The following CSMD1 variants were observed in gnomAD, a reference collection of about 807,000 sequenced individuals.
CSMD1 encodes CUB and sushi domain-containing protein 1.
Under a neutral mutation model 417.5 loss-of-function variants are expected in CSMD1, and 213 were observed. That is an observed-to-expected ratio of 0.51 (90% CI 0.46 to 0.57). The LOEUF (loss-of-function observed/expected upper bound fraction) is 0.57, where lower values mean the gene tolerates loss of function less well. Among genes scored for constraint, CSMD1 ranks in the 20% least tolerant of loss-of-function variants. The pLI is 0.00. For synonymous variants in CSMD1, 2,862 were observed against 1,736.8 expected (o/e 1.65, Z -16.11); for missense variants, 6,923 against 4,529.7 (o/e 1.53, Z -15.17).
At chr8:4,951,700 G>C (rs931584171) in intron 1 of CSMD1, among the ~76,000 whole-genome samples, 2 of 151,600 alleles carry the variant, frequency 1.3e-5, no homozygotes, top group South Asian at 4.1e-4. Flanking sequence ...CTTGGCTGTG[G>C]TTCTACCAGA....
intron 49 of CSMD1, among the ~76,000 whole-genome samples, chr8:3,073,258 C>T (rs982999639): frequency 6.6e-5 from 10 of 152,190 alleles, no homozygotes; most frequent in Admixed American, 2.6e-4. Flanking sequence ...ACAGAAAGAA[C>T]AGCATGTCCA....
chr8:3,684,896 T>C (rs1163370380), intron 7 of CSMD1, among the ~76,000 whole-genome samples: 1 of 152,160 alleles, frequency 6.6e-6, no homozygotes, highest in African/African-American at 2.4e-5. Flanking sequence ...TAAATTCTCT[T>C]CTGAAATTTG....
intron 3 of CSMD1, among the ~76,000 whole-genome samples, chr8:4,146,636 G>C (rs1714816): frequency 1.4e-5 from 1 of 73,982 alleles, no homozygotes; most frequent in Non-Finnish European, 2.6e-5. Context: ...TTTTGAGACA[G>C]AGTCTCGATC....
intron 3 of CSMD1, among the ~76,000 whole-genome samples, chr8:4,048,459 C>T (rs958792348): frequency 6.6e-6 from 1 of 152,152 alleles, no homozygotes; most frequent in Non-Finnish European, 1.5e-5. Flanking sequence ...CAAGATTCTG[C>T]AGTAGCTACT....
chr8:3,422,596 G>A (rs1308908723), intron 12 of CSMD1, among the ~76,000 whole-genome samples: 2 of 152,078 alleles, frequency 1.3e-5, no homozygotes, highest in Non-Finnish European at 2.9e-5. Context: ...GTTACAATAG[G>A]GCTAGACCAT....
chr8:3,922,823 A>G (rs935290675), intron 5 of CSMD1, among the ~76,000 whole-genome samples: 3 of 152,134 alleles, frequency 2.0e-5, no homozygotes, highest in African/African-American at 7.2e-5. Context: ...AAAATTCTAT[A>G]TATTCATGGT....
intron 3 of CSMD1, among the ~76,000 whole-genome samples, chr8:4,345,609 A>G (rs375028223): frequency 6.6e-6 from 1 of 152,244 alleles, no homozygotes; most frequent in South Asian, 2.1e-4. Flanking sequence ...CAGAAAACAA[A>G]AACAAAAAGT....
intron 4 of CSMD1, among the ~76,000 whole-genome samples, chr8:4,009,551 A>T (rs1028822444): frequency 2.0e-5 from 3 of 152,252 alleles, no homozygotes; most frequent in African/African-American, 7.2e-5. Context: ...TGTTAAATTT[A>T]AAAATGCAGG....
At chr8:4,373,109 C>T (rs945767487) in intron 3 of CSMD1, among the ~76,000 whole-genome samples, 11 of 152,262 alleles carry the variant, frequency 7.2e-5, no homozygotes, top group African/African-American at 2.4e-4. Flanking sequence ...CCCCAAACTC[C>T]AGTCTCATCA....
intron 3 of CSMD1, among the ~76,000 whole-genome samples, chr8:4,150,622 C>A (rs547989808): frequency 2.6e-5 from 4 of 152,188 alleles, no homozygotes; most frequent in Non-Finnish European, 4.4e-5. Context: ...CAAGCATTAA[C>A]TGCAATTCCA....
Position 4,809,911 on chromosome 8 carries a change from A to G in CSMD1, c.86-172353T>C, listed in dbSNP as rs368716587. ...GTGCCATTCAAATCCAAGTCCGGCCACTTACCAAGTATATTAACCTAAATC... is the reference window on the plus strand; with the variant it reads ...GTGCCATTCAAATCCAAGTCCGGCCGCTTACCAAGTATATTAACCTAAATC... On this transcript the variant is annotated intron_variant, in intron 1 of 69. Coordinates refer to ENST00000635120, the MANE Select transcript of CSMD1 (RefSeq NM_033225.6). Among the ~76,000 whole-genome samples, 19 of 152,328 alleles carry G rather than the reference A, an allele frequency of 1.2e-4. No homozygotes were observed. In the East Asian group the frequency reaches 2.9e-3, roughly 23 times the overall value.
chr8:4,498,206 G>C (rs1802072593), intron 2 of CSMD1, among the ~76,000 whole-genome samples: 1 of 152,078 alleles, frequency 6.6e-6, no homozygotes, highest in African/African-American at 2.4e-5. Context: ...TTAGCAGACG[G>C]GGTTGAACGA....
intron 10 of CSMD1, among the ~76,000 whole-genome samples, chr8:3,536,040 T>G (rs1380393967): frequency 6.6e-6 from 1 of 152,174 alleles, no homozygotes; most frequent in Non-Finnish European, 1.5e-5. Flanking sequence ...GCGACCACGC[T>G]GTCATAGTCA....
intron 3 of CSMD1, among the ~76,000 whole-genome samples, chr8:4,186,178 C>T (rs1017631075): frequency 2.6e-5 from 4 of 152,208 alleles, no homozygotes; most frequent in Admixed American, 6.5e-5. Flanking sequence ...TCAAGGTGCC[C>T]TGAATGTTCC....
chr8:3,245,871 C>A (rs1799849290), intron 26 of CSMD1, among the ~76,000 whole-genome samples: 1 of 152,136 alleles, frequency 6.6e-6, no homozygotes, highest in Non-Finnish European at 1.5e-5. Flanking sequence ...AAAGAGATTT[C>A]TTTGCAATTT....
intron 3 of CSMD1, among the ~76,000 whole-genome samples, chr8:4,047,307 T>A (rs758455970): frequency 6.6e-6 from 1 of 152,062 alleles, no homozygotes; most frequent in Non-Finnish European, 1.5e-5. Context: ...AGACATAAAG[T>A]GGAATATTCT....
At chr8:4,046,580 T>G (rs900408396) in intron 3 of CSMD1, among the ~76,000 whole-genome samples, 1 of 152,202 alleles carries the variant, frequency 6.6e-6, no homozygotes, top group African/African-American at 2.4e-5. Flanking sequence ...GTATTTTTCT[T>G]TAATTTCTGA....
At chr8:3,384,689 A>G (rs1810862749) in intron 18 of CSMD1, among the ~76,000 whole-genome samples, 1 of 123,016 alleles carries the variant, frequency 8.1e-6, no homozygotes, top group Non-Finnish European at 1.6e-5. Flanking sequence ...ATAAATATAT[A>G]TTTATATAAA....
chr8:4,692,335 A>G (rs1368281444), intron 1 of CSMD1, among the ~76,000 whole-genome samples: 3 of 152,234 alleles, frequency 2.0e-5, no homozygotes, highest in African/African-American at 7.2e-5. Flanking sequence ...AAAAGAATGT[A>G]TTAAAAACAA....
Sources: gnomAD v4.1 joint callset for allele counts (sites outside exome capture counted in the v4.1 genomes callset) on GRCh38, gnomAD v4.1.1 for gene constraint, MANE v1.5 for transcripts, NCBI Gene and HGNC (gene_info 2026-07-23, HGNC 2026-07-21) for gene names.